Variants in HMCN1 observed in about 807,000 individuals in gnomAD.
HMCN1 encodes hemicentin-1.
HMCN1 carries 321 observed loss-of-function variants against 625.9 expected under a neutral mutation model. The observed-to-expected ratio is 0.51, with a 90% CI of 0.47 to 0.56. The LOEUF is 0.56. Ranked by LOEUF, HMCN1 falls within the 20% of genes least tolerant of loss-of-function variation. The probability of loss-of-function intolerance (pLI) is 0.00; values close to 1 mark genes in which losing one functional copy is unlikely to be tolerated. For missense variants in HMCN1, 6,588 were observed against 6,887.3 expected, an observed-to-expected ratio of 0.96 and a Z score of 1.54; for synonymous variants, 2,425 against 2,417.6, an observed-to-expected ratio of 1.00 and a Z score of -0.09.
Position 185,781,222 on chromosome 1 carries a change from A to T in HMCN1, c.268+46175A>T, listed in dbSNP as rs191320498. 3.9e-5 allele frequency among the ~76,000 whole-genome samples: 6 copies of T among 151,928 alleles called. No individual in the cohort carries two copies. The East Asian group carries it at 1.2e-3, about 29-fold the overall frequency. ...CCCTTTATCATTTTTTATTGCATCT[A>T]TTTGATTCTTCTCTCTTTTCTTCTT... On this transcript the variant is annotated intron_variant, in intron 1 of 106. Coordinates refer to ENST00000271588, the MANE Select transcript of HMCN1 (RefSeq NM_031935.3).
intron 1 of HMCN1, among the ~76,000 whole-genome samples, chr1:185,784,816 A>G (rs974225857): frequency 6.6e-6 from 1 of 152,168 alleles, no homozygotes; most frequent in Non-Finnish European, 1.5e-5. Context: ...GTATGTTTTG[A>G]TGAATTTGAC....
chr1:186,094,489 T>G, intron 67 of HMCN1, 116 bp downstream of exon 67: 6 of 767,060 alleles, frequency 7.8e-6, no homozygotes, highest in African/African-American at 1.7e-5. Context: ...CAAAAAGGAT[T>G]AGTGAAATAG....
At chr1:186,069,862 T>A in intron 51 of HMCN1, 86 bp downstream of exon 51, 1 of 825,704 alleles carries the variant, frequency 1.2e-6, no homozygotes, top group South Asian at 1.4e-5. Context: ...GGTTCATAAT[T>A]ATTTATACTC....
chr1:185,759,421 G>A (rs1253906860), intron 1 of HMCN1, among the ~76,000 whole-genome samples: 2 of 152,152 alleles, frequency 1.3e-5, no homozygotes, highest in Admixed American at 6.5e-5. Flanking sequence ...AGTAAAGGGA[G>A]TCCTTTTGCA....
intron 75 of HMCN1, among the ~76,000 whole-genome samples, chr1:186,116,584 T>C (rs1354158721): frequency 3.9e-5 from 6 of 152,148 alleles, no homozygotes; most frequent in African/African-American, 1.4e-4. Flanking sequence ...GCTAGGTTAT[T>C]GTGAAATTTA....
chr1:185,991,665 T>C (rs1652433497), intron 22 of HMCN1, among the ~76,000 whole-genome samples: 2 of 152,188 alleles, frequency 1.3e-5, no homozygotes, highest in African/African-American at 4.8e-5. Context: ...CATTTTATTT[T>C]TTCATTCCTT....
At chr1:185,780,153 G>A (rs900874150) in intron 1 of HMCN1, among the ~76,000 whole-genome samples, 1 of 152,148 alleles carries the variant, frequency 6.6e-6, no homozygotes, top group African/African-American at 2.4e-5. Context: ...CTGTTTGTCT[G>A]TTATTGGTGT....
intron 1 of HMCN1, among the ~76,000 whole-genome samples, chr1:185,791,580 G>C (rs1164968434): frequency 6.6e-6 from 1 of 151,930 alleles, no homozygotes; most frequent in Non-Finnish European, 1.5e-5. Flanking sequence ...AAATTAGCTG[G>C]GCACGGTGGC....
At chr1:185,754,457 AT>A (rs977656227) in intron 1 of HMCN1, among the ~76,000 whole-genome samples, 54 of 149,750 alleles carry the variant, frequency 3.6e-4, no homozygotes, top group African/African-American at 8.5e-4. Context: ...ACATATACGT[AT>A]TTTTTTTTTA....
chr1:186,012,365 G>A (rs1055480208), intron 30 of HMCN1, among the ~76,000 whole-genome samples: 1 of 151,166 alleles, frequency 6.6e-6, no homozygotes, highest in Non-Finnish European at 1.5e-5. Flanking sequence ...TTTCACAGAC[G>A]GCTCTAAGAG....
At chr1:185,802,809 G>A (rs1346116879) in intron 1 of HMCN1, among the ~76,000 whole-genome samples, 1 of 152,150 alleles carries the variant, frequency 6.6e-6, no homozygotes, top group African/African-American at 2.4e-5. Flanking sequence ...AGTGATCACA[G>A]ATAAATATTT....
Position 186,169,475 on chromosome 1 carries a change from C to T in HMCN1, c.15575-1862C>T, listed in dbSNP as rs576820784. Among the ~76,000 whole-genome samples, 4 of 152,312 alleles carry T rather than the reference C, an allele frequency of 2.6e-5. No individual in the cohort carries two copies. In the South Asian group the frequency reaches 8.3e-4, roughly 32 times the overall value. On this transcript the variant is annotated intron_variant, in intron 100 of 106. Coordinates refer to ENST00000271588, the MANE Select transcript of HMCN1 (RefSeq NM_031935.3). ...GGCTACAGTAACAAACAGCATGGTA[C>T]TGGTACCAGAATAGATATACAGACA...
intron 24 of HMCN1, 79 bp downstream of exon 24, chr1:185,995,166 C>A: frequency 1.0e-5 from 13 of 1,275,366 alleles, no homozygotes; most frequent in Non-Finnish European, 1.4e-5. Context: ...AGATTATCTT[C>A]GATAATCTTA....
At chr1:185,894,977 A>T (rs936481222) in intron 4 of HMCN1, among the ~76,000 whole-genome samples, 12 of 152,070 alleles carry the variant, frequency 7.9e-5, no homozygotes, top group African/African-American at 2.9e-4. Flanking sequence ...CATTTTATTT[A>T]GTCTCTAGAG....
intron 1 of HMCN1, among the ~76,000 whole-genome samples, chr1:185,770,047 AG>A (rs1656133516): frequency 6.6e-6 from 1 of 152,174 alleles, no homozygotes; most frequent in Admixed American, 6.5e-5. Flanking sequence ...TACATTTCAG[AG>A]GGTATGCATA....
chr1:185,940,821 T>A (rs1668042451), intron 11 of HMCN1, among the ~76,000 whole-genome samples: 1 of 152,308 alleles, frequency 6.6e-6, no homozygotes, highest in Admixed American at 6.5e-5. Flanking sequence ...TGGAGTGCAA[T>A]GGCACGATCT....
At chr1:186,167,012 A>G in intron 100 of HMCN1, 70 bp downstream of exon 100, 1 of 1,590,830 alleles carries the variant, frequency 6.3e-7, no homozygotes, top group South Asian at 1.1e-5. Context: ...GACTCCTCAA[A>G]AGTTAACTGT....
At chr1:185,943,332 C>G (rs1040394490) in intron 11 of HMCN1, among the ~76,000 whole-genome samples, 2 of 152,106 alleles carry the variant, frequency 1.3e-5, no homozygotes, top group African/African-American at 4.8e-5. Context: ...GGGAATGAGC[C>G]CTTAACCTGT....
intron 89 of HMCN1, among the ~76,000 whole-genome samples, chr1:186,140,613 A>G (rs1279491255): frequency 6.6e-6 from 1 of 152,112 alleles, no homozygotes; most frequent in Non-Finnish European, 1.5e-5. Context: ...TTTGTAGGGA[A>G]ACTTAGAGTC....
Sources: allele counts gnomAD v4.1 joint callset (sites outside exome capture counted in the v4.1 genomes callset), GRCh38; gene constraint gnomAD v4.1.1; transcripts MANE v1.5; gene names NCBI Gene and HGNC (gene_info 2026-07-23, HGNC 2026-07-21).